The following IL12RB1 variants were observed in gnomAD, a reference collection of about 807,000 sequenced individuals.
IL12RB1 encodes interleukin-12 receptor subunit beta-1.
In IL12RB1, 64 loss-of-function variants were observed where a neutral mutation model predicts 94.4. The ratio of observed to expected loss-of-function variants is 0.68; its 90% CI spans 0.55 to 0.83. The LOEUF is 0.83. IL12RB1 is among the 40% of genes least tolerant of loss of function. The pLI, the probability that IL12RB1 is intolerant of heterozygous loss-of-function variation, is 0.00. For synonymous variants in IL12RB1, 362 were observed against 355.5 expected, an observed-to-expected ratio of 1.02 and a Z score of -0.21; for missense variants, 814 against 855.6, an observed-to-expected ratio of 0.95 and a Z score of 0.61.
intron 1 of IL12RB1, among the ~76,000 whole-genome samples, chr19:18,092,128 C>T (rs1378186384): frequency 6.6e-5 from 10 of 150,760 alleles, no homozygotes; most frequent in East Asian, 2.0e-4. Context: ...CTGCTGGCCT[C>T]GGCCTCCCAA....
rs761035314 is a variant in IL12RB1, at chr19:18,095,050, G to T, written c.-230+3705C>A. ...AAAAATTAGCTGGGAGTGGTGGCGGGTGTCTGTAATCCCAGCTACTCAGGA... is the reference window on the plus strand; with the variant it reads ...AAAAATTAGCTGGGAGTGGTGGCGGTTGTCTGTAATCCCAGCTACTCAGGA... On this transcript the variant is annotated intron_variant, in intron 1 of 4. Coordinates refer to the IL12RB1 transcript ENST00000594176. Among the ~76,000 whole-genome samples the T allele has an allele frequency of 7.2e-5, 11 of 151,792 alleles. 1 individual carries two copies.
upstream of IL12RB1, chr19:18,086,981 T>C (rs1213888138): frequency 6.7e-7 from 1 of 1,484,382 alleles, no homozygotes; most frequent in South Asian, 1.2e-5. Context: ...AGCCCATCCC[T>C]AAGGCAAGTC....
chr19:18,084,265 A>G (rs1046728189), intron 1 of IL12RB1, among the ~76,000 whole-genome samples: 6 of 135,342 alleles, frequency 4.4e-5, no homozygotes, highest in African/African-American at 1.7e-4. Flanking sequence ...CCATCCATCC[A>G]TCCACCCCCC....
intron 2 of IL12RB1, chr19:18,083,040 G>C: frequency 5.8e-6 from 2 of 346,770 alleles, no homozygotes; most frequent in Non-Finnish European, 5.6e-6. Context: ...CTGTGATCAG[G>C]CCACTGCACT....
At chr19:18,075,051 C>CAA (rs569024952) in intron 7 of IL12RB1, among the ~76,000 whole-genome samples, 3 of 126,622 alleles carry the variant, frequency 2.4e-5, no homozygotes, top group African/African-American at 8.6e-5. Flanking sequence ...GACTCCGTCT[C>CAA]AAAAAAAAAA....
rs977362361 is a variant in IL12RB1, at chr19:18,093,161, C to T, written c.-229-2392G>A. On this transcript the variant is annotated intron_variant, in intron 1 of 4. Transcript: ENST00000594176. ...CTCCACTAAAAATACAAAGATTAGC[C>T]GGGTGTGGTGGCAGGTGCCTGTAAT... 2.6e-5 allele frequency among the ~76,000 whole-genome samples: 4 copies of T among 151,690 alleles called. No homozygotes were observed. The East Asian group carries it at 5.9e-4, about 22-fold the overall frequency.
At chr19:18,072,946 C>CAAAAAA (rs11336251) in intron 8 of IL12RB1, among the ~76,000 whole-genome samples, 1 of 75,208 alleles carries the variant, frequency 1.3e-5, no homozygotes, top group African/African-American at 5.5e-5. Context: ...GACTCCATCT[C>CAAAAAA]AAAAAAAAAA....
In IL12RB1 at chr19:18,075,789, A is replaced by G. The variant is rs1377091172; in HGVS notation, c.660T>C (p.Ser220=). 1.2e-6 allele frequency: 2 copies of G among 1,613,072 alleles called. No homozygotes were observed. Among genetic ancestry groups the G allele is most frequent in the Admixed American group, 3.3e-5 (2 of 59,958 alleles). ...LRRRQLGSQG[S]SWSKWSSPVC... Reference sequence around the variant, plus strand: ...CGGGGCTGCTCCACTTGCTCCAGGAACTTCCTTGGCTCCCCAGCTGCCGTC... The same window carrying G: ...CGGGGCTGCTCCACTTGCTCCAGGAGCTTCCTTGGCTCCCCAGCTGCCGTC... Residue 220 remains serine (S), a synonymous_variant, in exon 7 of 17, where the codon AGT becomes AGC. Transcript: ENST00000593993.
At chr19:18,093,875 T>A (rs2036758655) in intron 1 of IL12RB1, among the ~76,000 whole-genome samples, 1 of 152,100 alleles carries the variant, frequency 6.6e-6, no homozygotes. Context: ...CCACCCCCAT[T>A]GACTTCTGCC....
chr19:18,088,350 C>A (rs1599585261), upstream of IL12RB1, among the ~76,000 whole-genome samples: 1 of 148,804 alleles, frequency 6.7e-6, no homozygotes, highest in East Asian at 2.0e-4. Flanking sequence ...CGCGCCACTG[C>A]ACTCCAGCCT....
intron 3 of IL12RB1, 22 bp from the exon 4 acceptor site, chr19:18,081,023 C>G: frequency 1.2e-6 from 2 of 1,606,364 alleles, no homozygotes; most frequent in Non-Finnish European, 1.7e-6. Flanking sequence ...AGGAGGGTGT[C>G]AGTGCCGAGT....
intron 1 of IL12RB1, among the ~76,000 whole-genome samples, 160 bp downstream of exon 1, chr19:18,086,600 C>T (rs555553865): frequency 1.3e-5 from 2 of 152,136 alleles, no homozygotes; most frequent in Non-Finnish European, 2.9e-5. Context: ...TGTCTAAGTT[C>T]GATCCCAGAA....
intron 1 of IL12RB1, chr19:18,097,925 G>A: frequency 2.0e-6 from 2 of 1,002,536 alleles, no homozygotes; most frequent in Non-Finnish European, 2.6e-6. Context: ...TTCACGGGCT[G>A]TAGGGAAACT....
intron 1 of IL12RB1, among the ~76,000 whole-genome samples, chr19:18,085,049 C>T (rs925687655): frequency 2.6e-5 from 4 of 152,168 alleles, no homozygotes; most frequent in Non-Finnish European, 5.9e-5. Flanking sequence ...CAGCGACCTC[C>T]CTCAGCCACT....
exon 1 of IL12RB1, chr19:18,098,852 C>T: frequency 2.2e-6 from 1 of 455,436 alleles, no homozygotes; most frequent in Admixed American, 2.4e-5. Flanking sequence ...AAACCCCAAC[C>T]TGTTGGGGGA....
intron 13 of IL12RB1, 134 bp from the exon 14 acceptor site, chr19:18,062,411 A>T (rs2034208616): frequency 3.4e-6 from 2 of 585,504 alleles, no homozygotes; most frequent in Non-Finnish European, 6.1e-6. Context: ...TCACTGGGAG[A>T]CCACAGAACC....
chr19:18,084,023 C>T (rs2146450809), intron 1 of IL12RB1, among the ~76,000 whole-genome samples: 1 of 150,478 alleles, frequency 6.6e-6, no homozygotes, highest in Middle Eastern at 3.4e-3. Context: ...ATCCATCCAT[C>T]CATCCATCCA....
At chr19:18,067,352 G>A (rs572692618) in intron 11 of IL12RB1, among the ~76,000 whole-genome samples, 549 of 121,332 alleles carry the variant, frequency 4.5e-3, no homozygotes, top group Non-Finnish European at 7.3e-3. Flanking sequence ...AAAAAAAAAG[G>A]AGTGCTGGTT....
At position 18,063,934 on chromosome 19, in the gene IL12RB1, C is replaced by T; in HGVS notation, c.1560G>A (p.Val520=). The stretch of plus-strand genomic sequence containing the variant: ...CCCTCAGCCACGCTGTGTCTGCTCG[C>T]ACCTGCACCGTGTAGGCTACACCAG... ...LRAGVAYTVQ[V]RADTAWLRGV... The change falls in exon 13 of 17, where the codon GTG becomes GTA. Residue 520 remains valine (V), a synonymous_variant. Coordinates refer to ENST00000593993, the MANE Select transcript of IL12RB1 (RefSeq NM_005535.3). 6.2e-7 allele frequency: 1 copy of T among 1,613,440 alleles called. No individual in the cohort carries two copies. The highest frequency in any genetic ancestry group is 2.2e-5 in the East Asian group (1 of 44,856).
Sources: gnomAD v4.1 joint callset for allele counts (sites outside exome capture counted in the v4.1 genomes callset) on GRCh38, gnomAD v4.1.1 for gene constraint, MANE v1.5 for transcripts, NCBI Gene and HGNC (gene_info 2026-07-23, HGNC 2026-07-21) for gene names.